The following PPARGC1A variants were observed in gnomAD, a reference collection of about 807,000 sequenced individuals.
PPARGC1A encodes PPARG coactivator 1 alpha.
Under a neutral mutation model 88.7 loss-of-function variants are expected in PPARGC1A, and 25 were observed. That is an observed-to-expected ratio of 0.28 (90% confidence interval 0.21 to 0.39). PPARGC1A has a LOEUF of 0.39. PPARGC1A is among the 10% of genes least tolerant of loss of function. The pLI, the probability that PPARGC1A is intolerant of heterozygous loss-of-function variation, is 1.00. For synonymous variants in PPARGC1A, 363 were observed against 355.6 expected (o/e 1.02, Z -0.24); for missense variants, 880 against 968.7 (o/e 0.91, Z 1.22).
At chr4:24,325,714 C>T in the PPARGC1A span, among the ~76,000 whole-genome samples, 77 of 152,332 alleles carry the variant, frequency 5.1e-4, no homozygotes, top group African/African-American at 1.6e-3. Context: ...CCGTAGACCA[C>T]CACAGATGCC....
chr4:24,190,146 T>C, the PPARGC1A span, among the ~76,000 whole-genome samples: 1 of 152,130 alleles, frequency 6.6e-6, no homozygotes, highest in African/African-American at 2.4e-5. Flanking sequence ...ATCCAGGCTT[T>C]GGTAAAATCA....
At chr4:23,892,889 A>G (rs528437752), upstream of PPARGC1A, among the ~76,000 whole-genome samples, 94 of 152,254 alleles carry the variant, frequency 6.2e-4, no homozygotes, top group South Asian at 1.2e-3. Flanking sequence ...TGAAAAACCA[A>G]CGTCACTTGG....
At chr4:24,182,928 A>T in the PPARGC1A span, among the ~76,000 whole-genome samples, 1 of 152,296 alleles carries the variant, frequency 6.6e-6, no homozygotes, top group South Asian at 2.1e-4. Flanking sequence ...TAACATGATG[A>T]ACAAGACAGA....
chr4:23,917,250 T>C, the PPARGC1A span, among the ~76,000 whole-genome samples: 1 of 152,218 alleles, frequency 6.6e-6, no homozygotes, highest in Non-Finnish European at 1.5e-5. Context: ...ACTGAGTTGC[T>C]ACCATGAAAT....
the PPARGC1A span, among the ~76,000 whole-genome samples, chr4:24,023,350 T>C: frequency 6.6e-6 from 1 of 152,140 alleles, no homozygotes; most frequent in Non-Finnish European, 1.5e-5. Flanking sequence ...ATATGAAAGT[T>C]GAAGCCTAAG....
chr4:24,414,643 G>A, the PPARGC1A span, among the ~76,000 whole-genome samples: 2 of 152,216 alleles, frequency 1.3e-5, no homozygotes, highest in Non-Finnish European at 2.9e-5. Context: ...TTTGTTTGCA[G>A]TGAGGCCCAA....
At chr4:24,076,787 T>A in the PPARGC1A span, among the ~76,000 whole-genome samples, 1 of 152,170 alleles carries the variant, frequency 6.6e-6, no homozygotes, top group African/African-American at 2.4e-5. Context: ...AAGTCTTACA[T>A]ACCCCCATTC....
the PPARGC1A span, among the ~76,000 whole-genome samples, chr4:24,057,679 A>G: frequency 6.6e-6 from 1 of 152,166 alleles, no homozygotes; most frequent in African/African-American, 2.4e-5. Flanking sequence ...TCCTCAGAAG[A>G]GGCTGGCTTC....
the PPARGC1A span, among the ~76,000 whole-genome samples, chr4:24,135,837 T>A: frequency 1.2e-4 from 18 of 152,084 alleles, no homozygotes; most frequent in African/African-American, 4.3e-4. Flanking sequence ...ATATATACTC[T>A]GGGGGGGTCA....
At chr4:23,905,401 A>C (rs1189475087), upstream of PPARGC1A, among the ~76,000 whole-genome samples, 7 of 152,216 alleles carry the variant, frequency 4.6e-5, no homozygotes, top group African/African-American at 1.7e-4. Context: ...TAACTCAATA[A>C]TGCCATCTTA....
chr4:23,824,121 A>T (rs536692888), intron 7 of PPARGC1A, among the ~76,000 whole-genome samples, 159 bp downstream of exon 7: 11 of 150,776 alleles, frequency 7.3e-5, no homozygotes, highest in Non-Finnish European at 1.2e-4. Flanking sequence ...TTTTTTTTTT[A>T]AATAAACAAC....
chr4:24,399,184 A>G, the PPARGC1A span, among the ~76,000 whole-genome samples: 1 of 151,990 alleles, frequency 6.6e-6, no homozygotes, highest in African/African-American at 2.4e-5. Context: ...CCACCTTCCT[A>G]TCTGTTTTTA....
At chr4:24,261,324 T>C in the PPARGC1A span, among the ~76,000 whole-genome samples, 1 of 152,138 alleles carries the variant, frequency 6.6e-6, no homozygotes, top group South Asian at 2.1e-4. Context: ...ACAGAGCAAA[T>C]GGCTCAATCT....
At chr4:24,219,153 C>T in the PPARGC1A span, among the ~76,000 whole-genome samples, 1 of 150,016 alleles carries the variant, frequency 6.7e-6, no homozygotes, top group Non-Finnish European at 1.5e-5. Flanking sequence ...TAACTGGTAT[C>T]CAGCCAAACC....
chr4:24,363,429 G>T, the PPARGC1A span, among the ~76,000 whole-genome samples: 7 of 152,156 alleles, frequency 4.6e-5, no homozygotes, highest in African/African-American at 1.7e-4. Flanking sequence ...GAGTCCATGT[G>T]ATTAATGTTA....
the PPARGC1A span, among the ~76,000 whole-genome samples, chr4:24,122,415 GCATA>G: frequency 3.7e-3 from 421 of 114,442 alleles, 5 homozygotes; most frequent in East Asian, 0.049. Context: ...GTGTGTGTGT[GCATA>G]TATATATATA....
At chr4:24,096,633 G>C in the PPARGC1A span, among the ~76,000 whole-genome samples, 1 of 152,140 alleles carries the variant, frequency 6.6e-6, no homozygotes, top group Non-Finnish European at 1.5e-5. Flanking sequence ...TCTTGCCTCA[G>C]AATAAACAAC....
the PPARGC1A span, among the ~76,000 whole-genome samples, chr4:24,372,626 GA>G: frequency 6.6e-6 from 1 of 152,158 alleles, no homozygotes; most frequent in Non-Finnish European, 1.5e-5. Context: ...CCAAAGATCT[GA>G]AGTTTATTTT....
chr4:23,868,545 A>T (rs1712562793), intron 2 of PPARGC1A, among the ~76,000 whole-genome samples: 1 of 152,170 alleles, frequency 6.6e-6, no homozygotes, highest in South Asian at 2.1e-4. Flanking sequence ...GGAGGTGATG[A>T]GGTCCCTCTT....
Sources: allele counts gnomAD v4.1 joint callset (sites outside exome capture counted in the v4.1 genomes callset), GRCh38; gene constraint gnomAD v4.1.1; transcripts MANE v1.5; gene names NCBI Gene and HGNC (gene_info 2026-07-23, HGNC 2026-07-21).